The following TNFAIP8 variants were observed in gnomAD, a reference collection of about 807,000 sequenced individuals.
The protein encoded by TNFAIP8 is TNF alpha induced protein 8.
In TNFAIP8, 7 loss-of-function variants were observed where a neutral mutation model predicts 13.3. The observed-to-expected ratio is 0.52, with a 90% CI of 0.30 to 0.99. The LOEUF is 0.99. Ranked by LOEUF, TNFAIP8 falls within the 50% of genes least tolerant of loss-of-function variation. TNFAIP8 has a pLI of 0.07. For synonymous variants in TNFAIP8, 94 were observed against 87.6 expected, an observed-to-expected ratio of 1.07 and a Z score of -0.41; for missense variants, 258 against 236.9, an observed-to-expected ratio of 1.09 and a Z score of -0.58.
At chr5:119,325,453 T>C (rs1750193859) in intron 1 of TNFAIP8, among the ~76,000 whole-genome samples, 1 of 152,172 alleles carries the variant, frequency 6.6e-6, no homozygotes, top group African/African-American at 2.4e-5. Context: ...TGTTTATTTA[T>C]TTATTTATTT....
chr5:119,387,888 A>G (rs924926936), intron 1 of TNFAIP8, among the ~76,000 whole-genome samples: 1 of 152,086 alleles, frequency 6.6e-6, no homozygotes. Context: ...ATTTTTTTTT[A>G]AATACAGCAT....
intron 1 of TNFAIP8, among the ~76,000 whole-genome samples, chr5:119,358,809 C>T (rs1004822442): frequency 2.6e-5 from 4 of 152,110 alleles, no homozygotes; most frequent in Non-Finnish European, 5.9e-5. Context: ...ATCCAGGGCT[C>T]CTTTGCTCTG....
chr5:119,358,006 A>G (rs946772301), intron 1 of TNFAIP8, among the ~76,000 whole-genome samples: 2 of 151,848 alleles, frequency 1.3e-5, no homozygotes, highest in Non-Finnish European at 2.9e-5. Flanking sequence ...CTGGTTAGCT[A>G]CCACCACTCA....
At chr5:119,298,794 C>G (rs549905555) in intron 1 of TNFAIP8, among the ~76,000 whole-genome samples, 1 of 152,188 alleles carries the variant, frequency 6.6e-6, no homozygotes, top group Non-Finnish European at 1.5e-5. Flanking sequence ...TTCTTAGAGG[C>G]TTTGTTCGTT....
chr5:119,386,341 A>G (rs977046912), intron 1 of TNFAIP8, among the ~76,000 whole-genome samples: 2 of 152,204 alleles, frequency 1.3e-5, no homozygotes, highest in African/African-American at 4.8e-5. Flanking sequence ...TCAGGAATCA[A>G]TTGCATGCAG....
At chr5:119,337,105 T>C (rs962929568) in intron 1 of TNFAIP8, among the ~76,000 whole-genome samples, 2 of 152,224 alleles carry the variant, frequency 1.3e-5, no homozygotes, top group African/African-American at 4.8e-5. Context: ...TCTCCTAGCC[T>C]GTATCCAGTG....
chr5:119,356,077 G>A lies in TNFAIP8; in HGVS notation c.-14G>A, dbSNP rs1251225199. 1.3e-6 allele frequency: 2 copies of A among 1,582,226 alleles called. No homozygotes were observed. The highest frequency in any genetic ancestry group is 1.7e-6 in the Non-Finnish European group (2 of 1,163,168). ...TGAGCGGTAATCGCCCCTGCAGCTG[G>A]TTATCCTGACATTATGCACTCCGAA... On this transcript the variant is annotated 5_prime_UTR_variant, in exon 1 of 2. Coordinates refer to ENST00000504771, the MANE Select transcript of TNFAIP8 (RefSeq NM_014350.4).
chr5:119,341,886 C>T (rs1404760243), intron 1 of TNFAIP8, among the ~76,000 whole-genome samples: 2 of 151,862 alleles, frequency 1.3e-5, no homozygotes, highest in Non-Finnish European at 2.9e-5. Context: ...TGGCTATATT[C>T]AGTCCTCTTT....
At chr5:119,296,780 A>G (rs1436936504) in intron 1 of TNFAIP8, among the ~76,000 whole-genome samples, 1 of 151,962 alleles carries the variant, frequency 6.6e-6, no homozygotes, top group African/African-American at 2.4e-5. Context: ...TTGGTAAGCT[A>G]TTGATTATTG....
rs984057792 is a variant in TNFAIP8, at chr5:119,396,902, G to A, written c.*3521G>A. 2 of 149,790 alleles carry A rather than the reference G, an allele frequency of 1.3e-5. No individual in the cohort carries two copies. The highest frequency in any genetic ancestry group is 2.5e-5 in the African/African-American group (1 of 40,422). The allele number at this position is 149,790 out of a possible 1,614,324, so 9.3% of individuals were successfully genotyped here. A position where few individuals can be genotyped will look rare whatever the true frequency, so the allele number is the denominator to read the frequency against. On this transcript the variant is annotated 3_prime_UTR_variant, in exon 2 of 2. Transcript: ENST00000504771. ...CCAGCTACTTGGGAGGCTAAGGCAGGAGAATCGCTGGAACCTGGGAGGCAG... is the reference window on the plus strand; with the variant it reads ...CCAGCTACTTGGGAGGCTAAGGCAGAAGAATCGCTGGAACCTGGGAGGCAG...
At chr5:119,268,984 CG>C in intron 1 of TNFAIP8, 1 of 637,156 alleles carries the variant, frequency 1.6e-6, no homozygotes, top group South Asian at 1.7e-5. Flanking sequence ...GGGCTGCTCT[CG>C]GGGAGCGCCT....
At chr5:119,372,875 C>T (rs1752138699) in intron 1 of TNFAIP8, among the ~76,000 whole-genome samples, 1 of 152,130 alleles carries the variant, frequency 6.6e-6, no homozygotes, top group African/African-American at 2.4e-5. Context: ...GCAGGGGAAT[C>T]GCTTGAACCT....
rs1202246327 is a variant in TNFAIP8, at chr5:119,305,620, TAA to T, written c.1+36714_1+36715del. ...TCCCATCTGTTAAGAGTTTTTTTTT[TAA>T]GTCATTTGAAACAAAGTTTGTTAAA... On this transcript the variant is annotated intron_variant, in intron 1 of 1. Coordinates refer to the TNFAIP8 transcript ENST00000274456. Among the ~76,000 whole-genome samples the T allele has an allele frequency of 1.1e-4, 16 of 152,286 alleles. No homozygotes were observed. In the East Asian group the frequency reaches 3.1e-3, roughly 29 times the overall value.
At chr5:119,373,753 AT>A (rs1261225574) in intron 1 of TNFAIP8, among the ~76,000 whole-genome samples, 1 of 152,214 alleles carries the variant, frequency 6.6e-6, no homozygotes, top group Non-Finnish European at 1.5e-5. Flanking sequence ...CAGGTATAGT[AT>A]TAAATCATCT....
chr5:119,290,395 G>T (rs2150810249), intron 1 of TNFAIP8, among the ~76,000 whole-genome samples: 1 of 152,300 alleles, frequency 6.6e-6, no homozygotes, highest in South Asian at 2.1e-4. Flanking sequence ...CACTTATGCA[G>T]CTGGCAAGTG....
intron 1 of TNFAIP8, among the ~76,000 whole-genome samples, chr5:119,303,765 C>T (rs1272917341): frequency 6.6e-6 from 1 of 152,146 alleles, no homozygotes; most frequent in Non-Finnish European, 1.5e-5. Flanking sequence ...AGATGGTTCC[C>T]CTTCCCAGTT....
chr5:119,384,352 G>T (rs958809789), intron 1 of TNFAIP8, among the ~76,000 whole-genome samples: 1 of 152,102 alleles, frequency 6.6e-6, no homozygotes, highest in Non-Finnish European at 1.5e-5. Flanking sequence ...GGGCGTGGTG[G>T]CATGTGCCTA....
At chr5:119,314,207 A>AACAAACC (rs1561996695) in intron 1 of TNFAIP8, among the ~76,000 whole-genome samples, 1 of 145,436 alleles carries the variant, frequency 6.9e-6, no homozygotes, top group African/African-American at 2.5e-5. Context: ...ACAAACAAAA[A>AACAAACC]AACCATGTCT....
chr5:119,345,133 C>CA (rs1290263878), intron 1 of TNFAIP8, among the ~76,000 whole-genome samples: 3 of 151,992 alleles, frequency 2.0e-5, no homozygotes, highest in Non-Finnish European at 4.4e-5. Context: ...TGTAGTTGTA[C>CA]AAAATAATAC....
Sources: gnomAD v4.1 joint callset for allele counts (sites outside exome capture counted in the v4.1 genomes callset) on GRCh38, gnomAD v4.1.1 for gene constraint, MANE v1.5 for transcripts, NCBI Gene and HGNC (gene_info 2026-07-23, HGNC 2026-07-21) for gene names.